Variants in DEPTOR observed in about 807,000 individuals in gnomAD.
The protein encoded by DEPTOR is DEP domain containing MTOR interacting protein.
In DEPTOR, 41 loss-of-function variants were observed where a neutral mutation model predicts 41.6. That is an observed-to-expected ratio of 0.98 (90% CI 0.77 to 1.28). The LOEUF is 1.28. Among genes scored for constraint, DEPTOR ranks in the 50% most tolerant of loss-of-function variants. The pLI, the probability that DEPTOR is intolerant of heterozygous loss-of-function variation, is 0.00. For missense variants in DEPTOR, 514 were observed against 527.9 expected, an observed-to-expected ratio of 0.97 and a Z score of 0.26; for synonymous variants, 195 against 192.3, an observed-to-expected ratio of 1.01 and a Z score of -0.12.
chr8:119,992,511 G>A (rs999395115), intron 4 of DEPTOR, among the ~76,000 whole-genome samples: 12 of 152,034 alleles, frequency 7.9e-5, no homozygotes, highest in African/African-American at 2.7e-4. Flanking sequence ...TGATGTCTGC[G>A]CATTCCCTAT....
rs73705882 is a variant in DEPTOR at position 120,011,673 on chromosome 8, A to G, written c.1101+2540A>G. Reference sequence around the variant, plus strand: ...TAAAGACCTTGTTTTGCTTAGCCAAATGTACAGTGAAATTAATTGATTTAG... The same window carrying G: ...TAAAGACCTTGTTTTGCTTAGCCAAGTGTACAGTGAAATTAATTGATTTAG... On this transcript the variant is annotated intron_variant, in intron 8 of 8. Coordinates refer to ENST00000286234, the MANE Select transcript of DEPTOR (RefSeq NM_022783.4). Among the ~76,000 whole-genome samples, 439 of 152,330 alleles carry G rather than the reference A, an allele frequency of 2.9e-3. 3 individuals are homozygous for G. The highest frequency in any genetic ancestry group is 0.01 in the African/African-American group (421 of 41,578).
In DEPTOR at chr8:119,965,232, G is replaced by T; in HGVS notation, c.426G>T (p.Lys142Asn). The part of the protein sequence containing the change: ...AFMRGQRLYE[K>N]LMSPENTLLQ... ...TTCTTTTCCCTTTTTTTCTTCCCAG[G>T]CTGATGAGCCCTGAAAACACACTCC... Residue 142 changes from lysine to asparagine, a missense_variant and splice_region_variant, in exon 4 of 9, where the codon AAG becomes AAT. By Grantham distance (94) the Lys-to-Asn change is moderately conservative (BLOSUM62 0). Coordinates refer to ENST00000286234, the MANE Select transcript of DEPTOR (RefSeq NM_022783.4). 6.2e-7 allele frequency: 1 copy of T among 1,600,642 alleles called. No homozygotes were observed. Among genetic ancestry groups the T allele is most frequent in the Non-Finnish European group, 8.5e-7 (1 of 1,176,324 alleles).
rs751707000 is a variant in DEPTOR, at chr8:120,003,003, G to A, written c.817G>A (p.Val273Met). ...SVSPSKEIKI[V>M]SAVRRSSMSS... is the part of the protein sequence containing the mutation. ...GAGCCCCAGCAAGGAGATCAAGATC[G>A]TGTCTGCAGTGAGGAGAAGCAGCAT... The change falls in exon 6 of 9, where the codon GTG (valine) becomes ATG (methionine). Residue 273 changes from valine to methionine, a missense_variant. By Grantham distance (21) the Val-to-Met change is conservative. Transcript: ENST00000286234. 12 of 1,587,916 alleles carry A rather than the reference G, an allele frequency of 7.6e-6. No homozygotes were observed. Among genetic ancestry groups the A allele is most frequent in the African/African-American group, 1.4e-5 (1 of 73,894 alleles).
At chr8:119,951,165 A>G (rs1563974248) in intron 3 of DEPTOR, among the ~76,000 whole-genome samples, 1 of 151,236 alleles carries the variant, frequency 6.6e-6, no homozygotes, top group African/African-American at 2.4e-5. Flanking sequence ...ATCTTTATTT[A>G]CTCCTCCTTT....
At chr8:120,036,897 A>T (rs942309574) in intron 8 of DEPTOR, among the ~76,000 whole-genome samples, 1 of 152,192 alleles carries the variant, frequency 6.6e-6, no homozygotes, top group African/African-American at 2.4e-5. Context: ...AAGTATGCTG[A>T]TTGTTTATAG....
intron 2 of DEPTOR, among the ~76,000 whole-genome samples, chr8:119,929,545 G>C (rs560562142): frequency 1.3e-5 from 2 of 152,236 alleles, no homozygotes; most frequent in South Asian, 2.1e-4. Flanking sequence ...GAATTGAATT[G>C]TGTGAACTTC....
At chr8:119,994,570 G>A (rs1363118920) in intron 4 of DEPTOR, among the ~76,000 whole-genome samples, 1 of 152,070 alleles carries the variant, frequency 6.6e-6, no homozygotes, top group Non-Finnish European at 1.5e-5. Flanking sequence ...GATTTCATAC[G>A]TTTTTCATAG....
intron 4 of DEPTOR, among the ~76,000 whole-genome samples, chr8:119,970,502 A>C (rs1828618065): frequency 6.6e-6 from 1 of 152,214 alleles, no homozygotes. Flanking sequence ...TGGAATGAGC[A>C]CAGTCTTCGG....
At chr8:119,908,463 G>A (rs1331781392) in intron 1 of DEPTOR, among the ~76,000 whole-genome samples, 1 of 152,104 alleles carries the variant, frequency 6.6e-6, no homozygotes, top group African/African-American at 2.4e-5. Flanking sequence ...ACCAATAAAT[G>A]TAAGTAAGTG....
At chr8:119,949,281 C>A (rs1828322406) in intron 3 of DEPTOR, among the ~76,000 whole-genome samples, 1 of 152,212 alleles carries the variant, frequency 6.6e-6, no homozygotes, top group South Asian at 2.1e-4. Flanking sequence ...AGTTGATGGA[C>A]ATGTGGATTG....
intron 1 of DEPTOR, among the ~76,000 whole-genome samples, chr8:119,884,198 C>T (rs1294029651): frequency 6.6e-6 from 1 of 152,192 alleles, no homozygotes; most frequent in Non-Finnish European, 1.5e-5. Flanking sequence ...GCTGGGACTA[C>T]AGGCAGGCAC....
At chr8:119,946,064 A>G (rs1828268265) in intron 3 of DEPTOR, among the ~76,000 whole-genome samples, 1 of 152,100 alleles carries the variant, frequency 6.6e-6, no homozygotes, top group Non-Finnish European at 1.5e-5. Context: ...CAAGGGGTGT[A>G]GTTGCTGTAT....
chr8:119,927,822 G>A (rs919171088), intron 1 of DEPTOR, among the ~76,000 whole-genome samples: 11 of 151,636 alleles, frequency 7.3e-5, no homozygotes, highest in South Asian at 6.2e-4. Context: ...GGCCAGTGTG[G>A]TCTCAAACTC....
At chr8:120,040,639 C>T (rs1413635853) in intron 8 of DEPTOR, among the ~76,000 whole-genome samples, 1 of 145,282 alleles carries the variant, frequency 6.9e-6, no homozygotes, top group Non-Finnish European at 1.5e-5. Flanking sequence ...AGCAATTGCG[C>T]AGTGAAAAAT....
At chr8:119,919,792 C>G (rs972937049) in intron 1 of DEPTOR, among the ~76,000 whole-genome samples, 1 of 152,314 alleles carries the variant, frequency 6.6e-6, no homozygotes, top group East Asian at 1.9e-4. Context: ...AGATTTATGA[C>G]GCTGTTTTAA....
At chr8:119,891,905 A>C (rs1827457363) in intron 1 of DEPTOR, among the ~76,000 whole-genome samples, 1 of 152,222 alleles carries the variant, frequency 6.6e-6, no homozygotes. Flanking sequence ...TGCATAACTC[A>C]ACTGAGTAAA....
At chr8:119,959,079 G>C (rs189187723) in intron 3 of DEPTOR, among the ~76,000 whole-genome samples, 1 of 151,242 alleles carries the variant, frequency 6.6e-6, no homozygotes, top group Non-Finnish European at 1.5e-5. Context: ...AATTCATATC[G>C]CTTATACCAA....
intron 1 of DEPTOR, among the ~76,000 whole-genome samples, chr8:119,918,250 C>G (rs1827839630): frequency 6.6e-6 from 1 of 152,164 alleles, no homozygotes; most frequent in Non-Finnish European, 1.5e-5. Flanking sequence ...GAGGGGCAAC[C>G]CACCTCTTTA....
At chr8:120,034,130 G>T (rs563867753) in intron 8 of DEPTOR, among the ~76,000 whole-genome samples, 2 of 152,214 alleles carry the variant, frequency 1.3e-5, no homozygotes, top group East Asian at 3.9e-4. Flanking sequence ...GATGTTGAAG[G>T]TTGCTTAGTC....
Sources: allele counts gnomAD v4.1 joint callset (sites outside exome capture counted in the v4.1 genomes callset), GRCh38; gene constraint gnomAD v4.1.1; transcripts MANE v1.5; gene names NCBI Gene and HGNC (gene_info 2026-07-23, HGNC 2026-07-21).